HSPG2: variants seen among roughly 807,000 people sequenced by gnomAD.
HSPG2 encodes the protein heparan sulfate proteoglycan 2.
HSPG2 carries 278 observed loss-of-function variants against 526.6 expected under a neutral mutation model. The ratio of observed to expected loss-of-function variants is 0.53; its 90% confidence interval spans 0.48 to 0.58. The LOEUF (loss-of-function observed/expected upper bound fraction) is 0.58. Among genes scored for constraint, HSPG2 ranks in the 20% least tolerant of loss-of-function variants. The probability of loss-of-function intolerance (pLI) is 0.00; values close to 1 mark genes in which losing one functional copy is unlikely to be tolerated. For missense variants in HSPG2, 5,354 were observed against 6,099.5 expected (o/e 0.88, Z 4.07); for synonymous variants, 2,465 against 2,555.4 (o/e 0.96, Z 1.07).
At position 21,873,421 on chromosome 1, in the gene HSPG2, G is replaced by A. The variant is rs886042933; in HGVS notation, c.3747C>T (p.Cys1249=). The part of the protein sequence containing the change: ...PGHSGRHCER[C]APGYYGNPSQ... ...TGGGGTTGCCATAGTAGCCAGGGGC[G>A]CACCTGCAGAGAGAAAAAGCCTCTG... The change falls in exon 30 of 97, where the codon TGC becomes TGT. Residue 1249 remains cysteine, a synonymous_variant. Transcript: ENST00000374695. 4.8e-5 allele frequency: 77 copies of A among 1,614,014 alleles called. No individual in the cohort carries two copies. Among genetic ancestry groups the A allele is most frequent in the Non-Finnish European group, 6.0e-5 (71 of 1,180,008 alleles).
intron 18 of HSPG2, 138 bp downstream of exon 18, chr1:21,878,856 A>G (rs568494073): frequency 1.6e-6 from 2 of 1,260,550 alleles, no homozygotes; most frequent in Admixed American, 2.0e-5. Flanking sequence ...AGAGGCCTAG[A>G]GAGGTCCAGG....
Position 21,828,725 on chromosome 1 carries a change from G to T in HSPG2, c.12237+110C>A. On this transcript the variant is annotated intron_variant, in intron 88 of 96. Transcript: ENST00000374695. This position sits in a 1 kb window ranked among gnomAD's most constrained non-coding sequence, Gnocchi z 6.0. ...GGTACAGTGTCCTGGCCCAGGGCCC[G>T]TGGGTGGCTGCAGGTGGAGGGGCCC... 1 of 1,469,504 alleles carries T rather than the reference G, an allele frequency of 6.8e-7. No individual in the cohort carries two copies. Among genetic ancestry groups the T allele is most frequent in the Non-Finnish European group, 9.3e-7 (1 of 1,080,964 alleles). The allele number at this position is 1,469,504 out of a possible 1,614,324, so 91.0% of individuals were successfully genotyped here.
rs1379503758 is a variant in HSPG2, at chr1:21,854,187, C to T, written c.6439+6G>A. The T allele has an allele frequency of 7.0e-6, 11 of 1,578,452 alleles. No individual in the cohort carries two copies. Among genetic ancestry groups the T allele is most frequent in the Admixed American group, 3.5e-5 (2 of 56,400 alleles). On this transcript the variant is annotated splice_donor_region_variant and intron_variant, in intron 50 of 96. Transcript: ENST00000374695. ...AGCCCCGGCCCAGCCACACCTGGCT[C>T]CTCACCTGGGGTGTAGCTGGGGCCA...
chr1:21,835,689 T>A (rs1245531842), intron 75 of HSPG2, 52 bp from the exon 76 acceptor site: 6 of 1,410,796 alleles, frequency 4.3e-6, no homozygotes, highest in Non-Finnish European at 6.0e-6. Flanking sequence ...ACTGATAGAA[T>A]GCTTTGCAAT....
At chr1:21,827,447 T>C (rs1042321264) in intron 91 of HSPG2, among the ~76,000 whole-genome samples, 11 of 152,186 alleles carry the variant, frequency 7.2e-5, no homozygotes, top group Non-Finnish European at 1.5e-4. Flanking sequence ...TAAGAAGAGA[T>C]GTGTCTGTAA....
chr1:21,893,334 G>A lies in HSPG2; in HGVS notation c.244+2588C>T, dbSNP rs1642502796. ...CCCATGGGGAAGAACGCCCGCCAGGGTTCCAGCCCACTGTGTTTAGATCTG... is the reference window on the plus strand; with the variant it reads ...CCCATGGGGAAGAACGCCCGCCAGGATTCCAGCCCACTGTGTTTAGATCTG... On this transcript the variant is annotated intron_variant, in intron 3 of 96. Coordinates refer to ENST00000374695, the MANE Select transcript of HSPG2 (RefSeq NM_005529.7). The surrounding 1 kb of genome is among the most constrained non-coding windows in gnomAD (Gnocchi z 4.3). 6.6e-6 allele frequency among the ~76,000 whole-genome samples: 1 copy of A among 152,180 alleles called. No individual in the cohort carries two copies. Among genetic ancestry groups the A allele is most frequent in the Non-Finnish European group, 1.5e-5 (1 of 68,016 alleles).
Position 21,824,146 on chromosome 1 carries a change from C to T in HSPG2, c.12874G>A (p.Glu4292Lys), listed in dbSNP as rs141280063. ...CGCAGTGCTGTCACCCGGTGCCACT[C>T]GCCGTCATTGATGGGGTCCTCAGAG... ...LVSEDPINDGEWHRVTALREG... is the reference protein window; with the variant it reads ...LVSEDPINDGKWHRVTALREG... The change falls in exon 95 of 97, where the codon GAG becomes AAG. Residue 4292 changes from glutamate to lysine, a missense_variant. Glu to Lys is a moderately conservative substitution (Grantham distance 56). Coordinates refer to ENST00000374695, the MANE Select transcript of HSPG2 (RefSeq NM_005529.7). This position sits in a 1 kb window ranked among gnomAD's most constrained non-coding sequence, Gnocchi z 5.9. 9.9e-4 allele frequency: 1,601 copies of T among 1,613,548 alleles called. 2 individuals are homozygous for T. Among genetic ancestry groups the T allele is most frequent in the Non-Finnish European group, 7.6e-4 (900 of 1,180,000 alleles).
rs751202082 is a variant in HSPG2, at chr1:21,896,234, C to T, written c.140G>A (p.Arg47His). 9 of 1,613,962 alleles carry T rather than the reference C, an allele frequency of 5.6e-6. No individual in the cohort carries two copies. The highest frequency in any genetic ancestry group is 4.5e-5 in the East Asian group (2 of 44,834). ...DIETVTASQM[R>H]WTHSYLSDDE... ...ATCAGAAAGGTACGAATGTGTCCAG[C>T]GCATTTGGCTTGCTGTGACGGTCTC... The change falls in exon 2 of 97, where the codon CGC (arginine) becomes CAC (histidine). Residue 47 changes from arginine to histidine, a missense_variant. Arg to His is a conservative substitution (Grantham distance 29). Coordinates refer to ENST00000374695, the MANE Select transcript of HSPG2 (RefSeq NM_005529.7).
In HSPG2 at chr1:21,914,354, G is replaced by A. The variant is rs1030319758; in HGVS notation, c.64-18044C>T. 5.3e-5 allele frequency among the ~76,000 whole-genome samples: 8 copies of A among 152,008 alleles called. No individual in the cohort carries two copies. The East Asian group carries it at 1.5e-3, about 29-fold the overall frequency. On this transcript the variant is annotated intron_variant, in intron 1 of 96. Coordinates refer to ENST00000374695, the MANE Select transcript of HSPG2 (RefSeq NM_005529.7). The stretch of plus-strand genomic sequence containing the variant: ...TGCATACTTAGAGGAAGAGCACCCA[G>A]GCACCAGGAGCAGCATCTATAAAGA...
intron 6 of HSPG2, among the ~76,000 whole-genome samples, chr1:21,889,273 G>T (rs559858593): frequency 1.3e-5 from 2 of 152,198 alleles, no homozygotes; most frequent in Non-Finnish European, 2.9e-5. Flanking sequence ...AACTAGGGCT[G>T]TTCGGTCTAG....
chr1:21,908,854 G>A (rs948875897), intron 1 of HSPG2, among the ~76,000 whole-genome samples: 6 of 152,182 alleles, frequency 3.9e-5, no homozygotes, highest in African/African-American at 1.4e-4. Context: ...GGCTGGGTGC[G>A]GTGGCTCACG....
rs780440825 is a variant in HSPG2, at chr1:21,848,043, G to C, written c.7788C>G (p.Gly2596=). Residue 2596 remains glycine, a synonymous_variant, in exon 60 of 97, where the codon GGC becomes GGG. Coordinates refer to ENST00000374695, the MANE Select transcript of HSPG2 (RefSeq NM_005529.7). This position sits in a 1 kb window ranked among gnomAD's most constrained non-coding sequence, Gnocchi z 4.9. ...RIPQVTPADS[G]EYVCHVSNGA... ...CGTTACTGACGTGACACACGTACTC[G>C]CCCGAGTCTGCCGGAGTCACCTGAG... is the stretch of plus-strand genomic sequence containing the variant. 8.7e-6 allele frequency: 14 copies of C among 1,612,956 alleles called. No homozygotes were observed. Among genetic ancestry groups the C allele is most frequent in the Non-Finnish European group, 1.2e-5 (14 of 1,179,876 alleles).
chr1:21,831,164 G>T, intron 84 of HSPG2, 51 bp downstream of exon 84: 1 of 1,604,598 alleles, frequency 6.2e-7, no homozygotes, highest in Non-Finnish European at 8.5e-7. Context: ...GCCAGCCATG[G>T]CTAGGGGTGG....
At chr1:21,855,111 A>T in intron 47 of HSPG2, 128 bp from the exon 48 acceptor site, 4 of 1,375,596 alleles carry the variant, frequency 2.9e-6, no homozygotes, top group Non-Finnish European at 4.0e-6. Context: ...GGCATGAAGG[A>T]GGACAAACGC....
intron 26 of HSPG2, 69 bp downstream of exon 26, chr1:21,874,822 G>T: frequency 6.6e-7 from 1 of 1,513,098 alleles, no homozygotes; most frequent in Non-Finnish European, 9.1e-7. Flanking sequence ...GGTGTGGAGG[G>T]CTCATGGAGA....
At chr1:21,831,620 G>T in intron 82 of HSPG2, 32 bp downstream of exon 82, 2 of 1,612,408 alleles carry the variant, frequency 1.2e-6, no homozygotes, top group Non-Finnish European at 1.7e-6. Flanking sequence ...CGGGATGAGG[G>T]CTGGAAGTAG....
intron 1 of HSPG2, among the ~76,000 whole-genome samples, chr1:21,932,140 A>AAGAGCTTCTG (rs56346002): frequency 0.44 from 66,373 of 151,558 alleles, 17,868 homozygotes; most frequent in Middle Eastern, 0.64. Flanking sequence ...TACCCAACCT[A>AAGAGCTTCTG]AGAGCTTCTG....
At chr1:21,845,838 C>A (rs1638387691) in intron 64 of HSPG2, among the ~76,000 whole-genome samples, 1 of 152,180 alleles carries the variant, frequency 6.6e-6, no homozygotes. Flanking sequence ...TGTGCAACAT[C>A]TCCAAGTGTG....
Position 21,878,637 on chromosome 1 carries a change from G to A in HSPG2, c.2498C>T (p.Thr833Met), listed in dbSNP as rs759986293. The change falls in exon 19 of 97, where the codon ACG becomes ATG. Residue 833 changes from threonine to methionine, a missense_variant. By Grantham distance (81) the Thr-to-Met change is moderately conservative. Transcript: ENST00000374695. The part of the protein sequence containing the change: ...RRFSDTCFLD[T>M]DGQATCDACA... ...GGCGTCACATGTGGCTTGGCCATCC[G>A]TGTCCAGGAAGCAAGTGTCTGAGAA... The A allele has an allele frequency of 5.0e-6, 8 of 1,614,132 alleles. No homozygotes were observed. The highest frequency in any genetic ancestry group is 2.2e-5 in the East Asian group (1 of 44,862).
Sources: gnomAD v4.1 joint callset for allele counts (sites outside exome capture counted in the v4.1 genomes callset) on GRCh38, gnomAD v4.1.1 for gene constraint, Gnocchi (gnomAD v3.1) non-coding constraint, MANE v1.5 for transcripts, NCBI Gene and HGNC (gene_info 2026-07-23, HGNC 2026-07-21) for gene names.